Variants in LRP2BP observed in about 807,000 individuals in gnomAD.
LRP2BP encodes LRP2-binding protein.
LRP2BP carries 38 observed loss-of-function variants against 45.2 expected under a neutral mutation model. The observed-to-expected ratio is 0.84, with a 90% confidence interval of 0.65 to 1.10. The LOEUF (loss-of-function observed/expected upper bound fraction) is 1.10, where lower values mean the gene tolerates loss of function less well. LRP2BP is among the 50% of genes least tolerant of loss of function. The pLI, the probability that LRP2BP is intolerant of heterozygous loss-of-function variation, is 0.00. For missense variants in LRP2BP, 385 were observed against 418.9 expected (o/e 0.92, Z 0.71); for synonymous variants, 153 against 153.9 (o/e 0.99, Z 0.04).
At chr4:185,387,845 G>A (rs933865147) in intron 1 of LRP2BP, among the ~76,000 whole-genome samples, 1 of 152,136 alleles carries the variant, frequency 6.6e-6, no homozygotes, top group Admixed American at 6.5e-5. Context: ...CTTCTCCCAC[G>A]TCTCCGTGCC....
rs1554020210 is a variant in LRP2BP at position 185,385,910 on chromosome 4, G to GGT, written c.-21-7704_-21-7703insAC. ...AGCAAGACTCTGTCTCGGGGAGGGG[G>GGT]GGGGGGAGATAAAGAAATAACATCA... On this transcript the variant is annotated intron_variant, in intron 1 of 8. Coordinates refer to ENST00000505916, the MANE Select transcript of LRP2BP (RefSeq NM_001377440.1). 3.4e-3 allele frequency among the ~76,000 whole-genome samples: 281 copies of GGT among 82,022 alleles called. 6 individuals carry two copies. The highest frequency in any genetic ancestry group is 0.022 in the Middle Eastern group (4 of 184). 53.8% of individuals were successfully genotyped at this position (82,022 alleles called of 152,430 possible).
chr4:185,395,403 T>G lies in LRP2BP; in HGVS notation c.-646A>C. 1 of 985,456 alleles carries G rather than the reference T, an allele frequency of 1.0e-6. No homozygotes were observed. The allele number at this position is 985,456 out of a possible 1,614,324, so 61.0% of individuals were successfully genotyped here. On this transcript the variant is annotated 5_prime_UTR_variant, in exon 1 of 9. Transcript: ENST00000505916. The stretch of plus-strand genomic sequence containing the variant: ...CTGAAAATGAACTTCTGTGCAAACC[T>G]GAAGCTTCAACACGTGTTTTAAAAA...
chr4:185,372,820 C>T (rs2095420352), intron 7 of LRP2BP, 36 bp downstream of exon 7: 1 of 1,509,432 alleles, frequency 6.6e-7, no homozygotes, highest in African/African-American at 1.4e-5. Flanking sequence ...GTGTGATATT[C>T]TGTTACAGCA....
In LRP2BP at chr4:185,366,884, G is replaced by A. The variant is rs192561499; in HGVS notation, c.*296C>T. 1.7e-4 allele frequency: 36 copies of A among 210,266 alleles called. No individual in the cohort carries two copies. The Admixed American group carries it at 1.9e-3, about 11-fold the overall frequency. 13.0% of individuals were successfully genotyped at this position (210,266 alleles called of 1,614,324 possible). A position where few individuals can be genotyped will look rare whatever the true frequency, so the allele number is the denominator to read the frequency against. On this transcript the variant is annotated 3_prime_UTR_variant, in exon 9 of 9. Coordinates refer to ENST00000505916, the MANE Select transcript of LRP2BP (RefSeq NM_001377440.1). ...GTATTTTTGGAGACTCGGTGTTTAA[G>A]AAAGGATAAACGATACTTGCTGTAT... is the stretch of plus-strand genomic sequence containing the variant.
intron 7 of LRP2BP, among the ~76,000 whole-genome samples, chr4:185,371,536 C>T (rs1322914152): frequency 4.0e-5 from 4 of 98,868 alleles, no homozygotes; most frequent in African/African-American, 1.1e-4. Flanking sequence ...AGCGAGACTC[C>T]GTCTAAAAAA....
intron 1 of LRP2BP, among the ~76,000 whole-genome samples, chr4:185,390,160 C>T (rs961992642): frequency 1.3e-5 from 2 of 152,134 alleles, no homozygotes; most frequent in African/African-American, 4.8e-5. Context: ...ACTTTGAAAG[C>T]ATTCATTTTC....
intron 1 of LRP2BP, 142 bp from the exon 2 acceptor site, chr4:185,378,349 G>A: frequency 7.0e-7 from 1 of 1,433,158 alleles, no homozygotes; most frequent in South Asian, 1.5e-5. Context: ...CCAACTCCAG[G>A]ACGTGAACAT....
At chr4:185,391,918 C>CA (rs1268312828) in intron 1 of LRP2BP, among the ~76,000 whole-genome samples, 1 of 152,218 alleles carries the variant, frequency 6.6e-6, no homozygotes, top group Admixed American at 6.5e-5. Flanking sequence ...TATACACACA[C>CA]ACCTATAATT....
chr4:185,367,407 C>T (rs558458602), intron 8 of LRP2BP, among the ~76,000 whole-genome samples, 162 bp from the exon 9 acceptor site: 2 of 151,632 alleles, frequency 1.3e-5, no homozygotes, highest in Admixed American at 6.6e-5. Flanking sequence ...CTACTTTAAC[C>T]TATGCAGAAT....
At chr4:185,381,113 CAA>C (rs2126821472) in intron 1 of LRP2BP, among the ~76,000 whole-genome samples, 1 of 152,282 alleles carries the variant, frequency 6.6e-6, no homozygotes, top group Admixed American at 6.5e-5. Flanking sequence ...TACATGAACT[CAA>C]GTGTAAATCC....
At chr4:185,394,608 C>G (rs2095496946) in intron 1 of LRP2BP, among the ~76,000 whole-genome samples, 171 bp downstream of exon 1, 1 of 152,218 alleles carries the variant, frequency 6.6e-6, no homozygotes, top group Non-Finnish European at 1.5e-5. Flanking sequence ...TATTTCACAT[C>G]ACAGCTGCAT....
upstream of LRP2BP, chr4:185,397,158 T>A (rs1407968274): frequency 6.2e-7 from 1 of 1,613,304 alleles, no homozygotes; most frequent in South Asian, 1.1e-5. Context: ...AGGTGGATGG[T>A]CTGAAGCATT....
chr4:185,373,116 C>G, intron 6 of LRP2BP, 37 bp from the exon 7 acceptor site: 3 of 1,542,954 alleles, frequency 1.9e-6, no homozygotes, highest in Middle Eastern at 1.7e-4. Flanking sequence ...TATTTGTGAT[C>G]CACTAGATGA....
chr4:185,376,628 CAA>C (rs2095438892), intron 3 of LRP2BP, among the ~76,000 whole-genome samples: 1 of 150,006 alleles, frequency 6.7e-6, no homozygotes, highest in Non-Finnish European at 1.5e-5. Flanking sequence ...ATATTTTGAG[CAA>C]AAATATAAAA....
intron 1 of LRP2BP, among the ~76,000 whole-genome samples, chr4:185,390,308 C>G (rs1311197187): frequency 6.6e-6 from 1 of 152,002 alleles, no homozygotes; most frequent in African/African-American, 2.4e-5. Context: ...GTCAGGAGTT[C>G]AAGACCAGCC....
intron 1 of LRP2BP, among the ~76,000 whole-genome samples, chr4:185,392,722 A>T (rs575889169): frequency 6.6e-6 from 1 of 152,318 alleles, no homozygotes; most frequent in Non-Finnish European, 1.5e-5. Context: ...TAGAAGTATT[A>T]TTGCCATAAT....
At chr4:185,389,506 A>G (rs1301667515) in intron 1 of LRP2BP, among the ~76,000 whole-genome samples, 2 of 152,104 alleles carry the variant, frequency 1.3e-5, no homozygotes, top group African/African-American at 2.4e-5. Context: ...CACCGTGCCC[A>G]GCCTAAAATA....
At chr4:185,389,974 A>T (rs2095483855) in intron 1 of LRP2BP, among the ~76,000 whole-genome samples, 1 of 152,228 alleles carries the variant, frequency 6.6e-6, no homozygotes, top group Non-Finnish European at 1.5e-5. Context: ...AACCGTGAGA[A>T]TTTAGAGTTT....
chr4:185,394,768 C>T lies in LRP2BP; in HGVS notation c.-22+11G>A. 3 of 985,374 alleles carry T rather than the reference C, an allele frequency of 3.0e-6. No homozygotes were observed. Among genetic ancestry groups the T allele is most frequent in the Non-Finnish European group, 1.2e-6 (1 of 829,888 alleles). The allele number at this position is 985,374 out of a possible 1,614,324, so 61.0% of individuals were successfully genotyped here. On this transcript the variant is annotated intron_variant, in intron 1 of 8. Coordinates refer to ENST00000505916, the MANE Select transcript of LRP2BP (RefSeq NM_001377440.1). ...TCAGCCCACACATCTCTCATCTATT[C>T]GGTCACTTACTCATCATCCAACGTT...
Sources: allele counts gnomAD v4.1 joint callset (sites outside exome capture counted in the v4.1 genomes callset), GRCh38; gene constraint gnomAD v4.1.1; transcripts MANE v1.5; gene names NCBI Gene and HGNC (gene_info 2026-07-23, HGNC 2026-07-21).